The following ARHGAP26 variants were observed in gnomAD, a reference collection of about 807,000 sequenced individuals.
ARHGAP26 encodes rho GTPase-activating protein 26.
ARHGAP26 carries 38 observed loss-of-function variants against 104.8 expected under a neutral mutation model. The ratio of observed to expected loss-of-function variants is 0.36; its 90% CI spans 0.28 to 0.48. The LOEUF (loss-of-function observed/expected upper bound fraction) is 0.48, where lower values mean the gene tolerates loss of function less well. Ranked by LOEUF, ARHGAP26 falls within the 20% of genes least tolerant of loss-of-function variation. The pLI is 0.99. For synonymous variants in ARHGAP26, 341 were observed against 340.0 expected (o/e 1.00, Z -0.03); for missense variants, 704 against 947.9 (o/e 0.74, Z 3.38).
rs141325657 is a variant in ARHGAP26, at chr5:143,102,772, C to T, written c.1539-18216C>T. The stretch of plus-strand genomic sequence containing the variant: ...TTTGAAACTTCTGTTTAAATTAGTT[C>T]TCCTCCTCCTTCTCCTTATCATTGT... On this transcript the variant is annotated intron_variant, in intron 17 of 22. Coordinates refer to ENST00000645722, the MANE Select transcript of ARHGAP26 (RefSeq NM_001135608.3). Among the ~76,000 whole-genome samples the T allele has an allele frequency of 2.2e-3, 328 of 152,326 alleles. 1 individual carries two copies. Among genetic ancestry groups the T allele is most frequent in the African/African-American group, 7.6e-3 (318 of 41,582 alleles).
intron 17 of ARHGAP26, among the ~76,000 whole-genome samples, chr5:143,093,646 CTCTT>C (rs1336125708): frequency 1.3e-5 from 2 of 151,854 alleles, no homozygotes; most frequent in African/African-American, 2.4e-5. Context: ...GCCTCTTTCT[CTCTT>C]TCTTTCCTCT....
At chr5:143,035,707 G>T (rs974545088) in intron 12 of ARHGAP26, among the ~76,000 whole-genome samples, 1 of 151,956 alleles carries the variant, frequency 6.6e-6, no homozygotes, top group Non-Finnish European at 1.5e-5. Flanking sequence ...AGGCCGAGGC[G>T]GGTAGATCAC....
chr5:143,113,882 G>A lies in ARHGAP26; in HGVS notation c.1539-7106G>A, dbSNP rs977067240. ...TGAGGAAGAAGAATGCCTTTTTAGC[G>A]TAGGTTGGACTTGCCCTGGTGGTGT... On this transcript the variant is annotated intron_variant, in intron 17 of 22. Transcript: ENST00000645722. Among the ~76,000 whole-genome samples the A allele has an allele frequency of 5.3e-5, 8 of 152,268 alleles. No homozygotes were observed. In the South Asian group the frequency reaches 6.2e-4, roughly 12 times the overall value.
chr5:142,893,641 A>G (rs974120644), intron 5 of ARHGAP26, among the ~76,000 whole-genome samples: 2 of 152,200 alleles, frequency 1.3e-5, no homozygotes, highest in African/African-American at 4.8e-5. Flanking sequence ...ATTATATGGT[A>G]GTACTATTTT....
At chr5:142,993,670 G>A (rs558088688) in intron 11 of ARHGAP26, among the ~76,000 whole-genome samples, 44 of 151,670 alleles carry the variant, frequency 2.9e-4, no homozygotes, top group South Asian at 1.3e-3. Context: ...ACAGGGCCTC[G>A]CTCTGTCACC....
chr5:143,215,322 A>C (rs1304081335), intron 22 of ARHGAP26, among the ~76,000 whole-genome samples: 3 of 152,236 alleles, frequency 2.0e-5, no homozygotes, highest in African/African-American at 7.2e-5. Context: ...CATGTTTCTA[A>C]CAACCATTCC....
intron 20 of ARHGAP26, among the ~76,000 whole-genome samples, chr5:143,163,863 T>G (rs1210123521): frequency 1.3e-5 from 2 of 152,136 alleles, no homozygotes; most frequent in African/African-American, 4.8e-5. Flanking sequence ...CACTGAGACC[T>G]CTATGGCTCT....
chr5:142,883,429 T>C (rs553623283), intron 4 of ARHGAP26, among the ~76,000 whole-genome samples: 88 of 152,386 alleles, frequency 5.8e-4, no homozygotes, highest in African/African-American at 2.1e-3. Flanking sequence ...TCCTCAGGCT[T>C]TTTCTTCATT....
intron 19 of ARHGAP26, among the ~76,000 whole-genome samples, chr5:143,138,107 C>G (rs896186762): frequency 6.6e-6 from 1 of 152,192 alleles, no homozygotes; most frequent in Non-Finnish European, 1.5e-5. Flanking sequence ...GACTCTCTCT[C>G]TTTAATCTAT....
intron 20 of ARHGAP26, among the ~76,000 whole-genome samples, chr5:143,164,065 A>G (rs1472277652): frequency 2.0e-5 from 3 of 149,630 alleles, no homozygotes; most frequent in Non-Finnish European, 4.4e-5. Context: ...TTTTTCTCCC[A>G]AACATCTAGC....
At chr5:142,980,475 G>A (rs1416689875) in intron 11 of ARHGAP26, among the ~76,000 whole-genome samples, 2 of 151,590 alleles carry the variant, frequency 1.3e-5, no homozygotes, top group African/African-American at 4.9e-5. Context: ...TGCAACCTCC[G>A]TTTCCTGGGT....
At chr5:142,977,060 C>A (rs1297365382) in intron 11 of ARHGAP26, among the ~76,000 whole-genome samples, 1 of 152,200 alleles carries the variant, frequency 6.6e-6, no homozygotes, top group East Asian at 1.9e-4. Flanking sequence ...GAGTCATATG[C>A]TAGCCCTGGG....
At chr5:142,844,107 A>G (rs1771399226) in intron 1 of ARHGAP26, among the ~76,000 whole-genome samples, 1 of 144,480 alleles carries the variant, frequency 6.9e-6, no homozygotes, top group Non-Finnish European at 1.5e-5. Flanking sequence ...GCTAGAGTGT[A>G]GTGGCACGAT....
intron 17 of ARHGAP26, among the ~76,000 whole-genome samples, chr5:143,115,696 A>G (rs966905000): frequency 2.0e-5 from 3 of 152,172 alleles, no homozygotes; most frequent in Non-Finnish European, 4.4e-5. Context: ...ATGCTAAGGG[A>G]TTTACTTGCA....
At chr5:142,786,355 G>A (rs1336120469) in intron 1 of ARHGAP26, among the ~76,000 whole-genome samples, 1 of 151,618 alleles carries the variant, frequency 6.6e-6, no homozygotes, top group Non-Finnish European at 1.5e-5. Context: ...GGAATGCAGT[G>A]GTGTGATCAT....
At chr5:142,887,815 A>G (rs1450412248) in intron 5 of ARHGAP26, among the ~76,000 whole-genome samples, 5 of 152,152 alleles carry the variant, frequency 3.3e-5, no homozygotes, top group Non-Finnish European at 7.4e-5. Context: ...AAATACAAAA[A>G]TTAGCTGGGC....
At chr5:142,918,117 CATTTTATTTTATTTTAT>C (rs1179898016) in intron 10 of ARHGAP26, among the ~76,000 whole-genome samples, 2 of 151,742 alleles carry the variant, frequency 1.3e-5, no homozygotes, top group African/African-American at 2.4e-5. Context: ...TTCAAGGATC[CATTTTATTTTATTTTAT>C]ATTTTATTTT....
chr5:142,806,011 C>T (rs894721025), intron 1 of ARHGAP26, among the ~76,000 whole-genome samples: 1 of 152,196 alleles, frequency 6.6e-6, no homozygotes, highest in African/African-American at 2.4e-5. Flanking sequence ...ATGGGTTATT[C>T]ATAAGCCTAA....
chr5:143,060,969 C>T (rs542047220), intron 17 of ARHGAP26, among the ~76,000 whole-genome samples: 41 of 152,196 alleles, frequency 2.7e-4, no homozygotes, highest in African/African-American at 9.2e-4. Flanking sequence ...ATTTTATTGT[C>T]GTGATTAAAT....
Sources: allele counts gnomAD v4.1 joint callset (sites outside exome capture counted in the v4.1 genomes callset), GRCh38; gene constraint gnomAD v4.1.1; transcripts MANE v1.5; gene names NCBI Gene and HGNC (gene_info 2026-07-23, HGNC 2026-07-21).